Variants in ZNF221 observed in about 807,000 individuals in gnomAD.
ZNF221 encodes zinc finger protein 221.
In ZNF221, 10 loss-of-function variants were observed where a neutral mutation model predicts 12.6. The ratio of observed to expected loss-of-function variants is 0.79; its 90% CI spans 0.49 to 1.34. ZNF221 has a LOEUF of 1.34. ZNF221 is among the 40% of genes most tolerant of loss of function. The pLI is 0.00. For synonymous variants in ZNF221, 232 were observed against 244.0 expected, an observed-to-expected ratio of 0.95 and a Z score of 0.46; for missense variants, 661 against 721.4, an observed-to-expected ratio of 0.92 and a Z score of 0.96.
At chr19:43,971,767 T>A (rs1441828075), downstream of ZNF221, among the ~76,000 whole-genome samples, 1 of 152,124 alleles carries the variant, frequency 6.6e-6, no homozygotes, top group Admixed American at 6.5e-5. Flanking sequence ...ATAAAGTAAG[T>A]TCTTAGAGAC....
intron 2 of ZNF221, among the ~76,000 whole-genome samples, chr19:43,963,017 A>C (rs1974873096): frequency 6.6e-6 from 1 of 152,226 alleles, no homozygotes; most frequent in African/African-American, 2.4e-5. Context: ...AGTAGATAAA[A>C]TAGTAGGAAT....
chr19:43,977,079 T>A, the ZNF221 span: 1 of 152,216 alleles, frequency 6.6e-6, no homozygotes, highest in Admixed American at 6.5e-5. Context: ...GCATAATGTA[T>A]GCCTTAGGGA....
intron 1 of ZNF221, among the ~76,000 whole-genome samples, chr19:43,957,175 T>C (rs1185614318): frequency 1.3e-5 from 2 of 152,184 alleles, no homozygotes; most frequent in Non-Finnish European, 2.9e-5. Context: ...TTTCTTATTT[T>C]TATTTTTATT....
At chr19:43,976,182 C>G in the ZNF221 span, among the ~76,000 whole-genome samples, 2 of 151,966 alleles carry the variant, frequency 1.3e-5, no homozygotes, top group African/African-American at 4.8e-5. Context: ...TAGGCATGAG[C>G]CACCACACCC....
rs1277348352 is a variant in ZNF221 at position 43,965,328 on chromosome 19, A to G, written c.301+3A>G. 2 of 1,610,354 alleles carry G rather than the reference A, an allele frequency of 1.2e-6. No homozygotes were observed. The highest frequency in any genetic ancestry group is 1.3e-5 in the African/African-American group (1 of 74,768). ...AAGCCAAAGAGAAGGGAATTCAGGT[A>G]AGAACCAAGTAACTGTGCATCCTTG... On this transcript the variant is annotated splice_donor_region_variant and intron_variant, in intron 4 of 4. Transcript: ENST00000587682.
At chr19:43,968,716 T>C (rs1377282819), downstream of ZNF221, among the ~76,000 whole-genome samples, 1 of 152,200 alleles carries the variant, frequency 6.6e-6, no homozygotes, top group East Asian at 1.9e-4. Flanking sequence ...AGGCAATCAA[T>C]TCAACCCACA....
intron 1 of ZNF221, among the ~76,000 whole-genome samples, chr19:43,952,729 T>C (rs1287312808): frequency 1.3e-5 from 2 of 152,140 alleles, no homozygotes; most frequent in African/African-American, 4.8e-5. Flanking sequence ...GAAAGCAAGT[T>C]AGGACTTGAT....
the ZNF221 span, among the ~76,000 whole-genome samples, chr19:43,973,171 A>T: frequency 6.6e-6 from 1 of 152,236 alleles, no homozygotes; most frequent in African/African-American, 2.4e-5. Context: ...CAATAGATGC[A>T]GAAAAGGCCT....
intron 1 of ZNF221, among the ~76,000 whole-genome samples, chr19:43,957,765 A>T (rs545286367): frequency 6.6e-6 from 1 of 152,214 alleles, no homozygotes; most frequent in African/African-American, 2.4e-5. Flanking sequence ...AGCAAATCTG[A>T]TAAGGCTTCT....
the ZNF221 span, chr19:43,976,931 T>C: frequency 6.6e-6 from 1 of 152,174 alleles, no homozygotes; most frequent in African/African-American, 2.4e-5. Context: ...AATTAGTAGA[T>C]TACATGGATG....
At chr19:43,965,406 T>C in intron 4 of ZNF221, 81 bp downstream of exon 4, 5 of 1,268,970 alleles carry the variant, frequency 3.9e-6, no homozygotes, top group Non-Finnish European at 5.3e-6. Context: ...TCCATCACCC[T>C]GGTCTAAATT....
the ZNF221 span, among the ~76,000 whole-genome samples, chr19:43,980,044 C>G: frequency 6.6e-6 from 1 of 152,140 alleles, no homozygotes; most frequent in Non-Finnish European, 1.5e-5. Flanking sequence ...AAACGAAGGA[C>G]TATAGTGGTA....
chr19:43,958,661 G>A (rs977254527), intron 1 of ZNF221, among the ~76,000 whole-genome samples: 1 of 152,208 alleles, frequency 6.6e-6, no homozygotes, highest in South Asian at 2.1e-4. Flanking sequence ...AAGTGGAAAG[G>A]TTTGAGAGTC....
At chr19:43,972,773 A>AAAAAAAAAG in the ZNF221 span, among the ~76,000 whole-genome samples, 1 of 148,688 alleles carries the variant, frequency 6.7e-6, no homozygotes, top group Non-Finnish European at 1.5e-5. Context: ...CAAAAAAAAA[A>AAAAAAAAAG]AAAAAAAGCC....
downstream of ZNF221, among the ~76,000 whole-genome samples, chr19:43,968,973 G>A (rs1314632990): frequency 2.0e-5 from 3 of 152,222 alleles, no homozygotes; most frequent in Non-Finnish European, 4.4e-5. Context: ...GGCACACACA[G>A]AGACCCAGGA....
chr19:43,979,604 C>G, the ZNF221 span, among the ~76,000 whole-genome samples: 9 of 152,196 alleles, frequency 5.9e-5, no homozygotes, highest in Middle Eastern at 3.4e-3. Context: ...TAGCATCTTC[C>G]TCTCGTGGGT....
downstream of ZNF221, among the ~76,000 whole-genome samples, chr19:43,970,145 C>T (rs1019578454): frequency 7.2e-5 from 11 of 152,174 alleles, no homozygotes; most frequent in African/African-American, 2.7e-4. Context: ...GGGTCTCGAG[C>T]AGACCCCAGC....
rs368752544 is a variant in ZNF221 at position 43,953,277 on chromosome 19, C to T, written c.-3+1877C>T. 1.6e-3 allele frequency among the ~76,000 whole-genome samples: 240 copies of T among 146,704 alleles called. 1 individual carries two copies. Among genetic ancestry groups the T allele is most frequent in the Middle Eastern group, 6.9e-3 (2 of 290 alleles). ...TTAAGCTTTTTTTTTTTTTTTAATGCTTATTGCCTTATTACAAAGGATATT... is the reference window on the plus strand; with the variant it reads ...TTAAGCTTTTTTTTTTTTTTTAATGTTTATTGCCTTATTACAAAGGATATT... On this transcript the variant is annotated intron_variant, in intron 1 of 4. Coordinates refer to ENST00000587682, the MANE Select transcript of ZNF221 (RefSeq NM_001297588.2).
At chr19:43,952,355 C>CA (rs1974686763) in intron 1 of ZNF221, among the ~76,000 whole-genome samples, 1 of 152,202 alleles carries the variant, frequency 6.6e-6, no homozygotes, top group African/African-American at 2.4e-5. Flanking sequence ...TGACTACTGA[C>CA]AACAAAGCTC....
Sources: gnomAD v4.1 joint callset for allele counts (sites outside exome capture counted in the v4.1 genomes callset) on GRCh38, gnomAD v4.1.1 for gene constraint, MANE v1.5 for transcripts, NCBI Gene and HGNC (gene_info 2026-07-23, HGNC 2026-07-21) for gene names.